Variants in MSANTD2 observed in about 807,000 individuals in gnomAD.
MSANTD2 encodes the protein Myb/SANT DNA binding domain containing 2.
MSANTD2 carries 19 observed loss-of-function variants against 52.6 expected under a neutral mutation model. The ratio of observed to expected loss-of-function variants is 0.36; its 90% CI spans 0.25 to 0.53. The LOEUF (loss-of-function observed/expected upper bound fraction) is 0.53. MSANTD2 is among the 20% of genes least tolerant of loss of function. MSANTD2 has a pLI of 0.91. For synonymous variants in MSANTD2, 291 were observed against 289.7 expected, an observed-to-expected ratio of 1.00 and a Z score of -0.04; for missense variants, 558 against 716.3, an observed-to-expected ratio of 0.78 and a Z score of 2.52.
chr11:124,791,083 G>A (rs563686205), intron 1 of MSANTD2: 14 of 575,208 alleles, frequency 2.4e-5, no homozygotes, highest in African/African-American at 1.5e-4. Flanking sequence ...AAGAGATAAC[G>A]TGTAAGGGAC....
At position 124,767,558 on chromosome 11, in the gene MSANTD2, C is replaced by T; in HGVS notation, c.1298G>A (p.Arg433Lys). Reference protein sequence around the residue: ...YAIGYEECIERPLSPHMEQSS... With the variant: ...YAIGYEECIEKPLSPHMEQSS... ...TTGCTCCATGTGTGGTGAGAGGGGC[C>T]TCTCAATACATTCTTCATAGCCAAT... The change falls in exon 4 of 4, where the codon AGG (arginine) becomes AAG (lysine). Residue 433 changes from arginine (R) to lysine (K), a missense_variant. Arg to Lys is a conservative substitution (Grantham distance 26). Around this residue, in one of 2 missense-constraint regions of MSANTD2, gnomAD observed 408 missense variants for 573.6 expected, o/e 0.71. Transcript: ENST00000374979. This position sits in a 1 kb window ranked among gnomAD's most constrained non-coding sequence, Gnocchi z 6.5. The T allele has an allele frequency of 6.2e-7, 1 of 1,614,120 alleles. No homozygotes were observed. Among genetic ancestry groups the T allele is most frequent in the Non-Finnish European group, 8.5e-7 (1 of 1,180,006 alleles).
intron 1 of MSANTD2, chr11:124,789,520 A>G (rs1161064408): frequency 6.6e-6 from 1 of 152,218 alleles, no homozygotes; most frequent in Non-Finnish European, 1.5e-5. Context: ...ATAAAATAAA[A>G]TGATGGCTGT....
chr11:124,770,948 G>A (rs977867672), intron 3 of MSANTD2, among the ~76,000 whole-genome samples: 3 of 152,062 alleles, frequency 2.0e-5, no homozygotes, highest in African/African-American at 7.2e-5. Flanking sequence ...TGGCCAGGCT[G>A]GGCTTGAACT....
intron 1 of MSANTD2, among the ~76,000 whole-genome samples, chr11:124,786,598 T>C (rs570611673): frequency 1.3e-5 from 2 of 152,356 alleles, no homozygotes; most frequent in South Asian, 4.1e-4. Flanking sequence ...ATCTGAGATC[T>C]TGAATGAATG....
Position 124,800,361 on chromosome 11 carries a change from G to A in MSANTD2, c.20C>T (p.Ser7Leu), listed in dbSNP as rs573260380. The A allele has an allele frequency of 1.8e-5, 28 of 1,538,122 alleles. 1 individual carries two copies. In the Admixed American group the frequency reaches 2.9e-4, roughly 16 times the overall value. ...TAGCGGCGAGTTGGCGGGCAGCTCC[G>A]AGCCACAGGGCGCAGCCATCTTCCA... MAAPCG[S>L]ELPANSPLKI... Residue 7 changes from serine to leucine, a missense_variant, in exon 1 of 4, where the codon TCG (serine) becomes TTG (leucine). By Grantham distance (145) the Ser-to-Leu change is moderately radical. Transcript: ENST00000374979. This position sits in a 1 kb window ranked among gnomAD's most constrained non-coding sequence, Gnocchi z 4.3.
At chr11:124,793,581 A>G (rs1945398216) in intron 1 of MSANTD2, among the ~76,000 whole-genome samples, 3 of 152,220 alleles carry the variant, frequency 2.0e-5, no homozygotes, top group Admixed American at 1.3e-4. Context: ...TAAAAATTCA[A>G]TTTTGCAGTC....
At chr11:124,791,508 T>C in intron 1 of MSANTD2, 2 of 1,100,356 alleles carry the variant, frequency 1.8e-6, no homozygotes, top group East Asian at 4.9e-5. Context: ...GGGCAAGAGT[T>C]GGAGAAGGGA....
chr11:124,798,081 A>T (rs1313973834), intron 1 of MSANTD2, among the ~76,000 whole-genome samples: 1 of 152,106 alleles, frequency 6.6e-6, no homozygotes, highest in Admixed American at 6.5e-5. Context: ...GATAGACGCT[A>T]GCCAAGACAG....
rs368299495 is a variant in MSANTD2, at chr11:124,797,188, GAATT to G, written c.510+2679_510+2682del. ...ATTCTCTTTCTAGACTTTATTTGGT[GAATT>G]AATTAAATAAGGCCGGATGTGGTGG... On this transcript the variant is annotated intron_variant, in intron 1 of 3. Transcript: ENST00000374979. Among the ~76,000 whole-genome samples, 87 of 152,238 alleles carry G rather than the reference GAATT, an allele frequency of 5.7e-4. No homozygotes were observed. In the South Asian group the frequency reaches 8.3e-3, roughly 15 times the overall value.
In MSANTD2 at chr11:124,766,889, C is replaced by G. The variant is rs1253087524; in HGVS notation, c.*287G>C. The stretch of plus-strand genomic sequence containing the variant: ...GTACCTACATTTGTTTATATTAGGG[C>G]TCTAAAATCCATTTAAAAATTGTTT... On this transcript the variant is annotated 3_prime_UTR_variant, in exon 4 of 4. Transcript: ENST00000374979. 7.1e-6 allele frequency: 2 copies of G among 280,034 alleles called. No homozygotes were observed. The highest frequency in any genetic ancestry group is 4.4e-5 in the African/African-American group (2 of 45,548). The allele number at this position is 280,034 out of a possible 1,614,324, so 17.3% of individuals were successfully genotyped here.
chr11:124,800,301 G>A lies in MSANTD2; in HGVS notation c.80C>T (p.Ser27Phe). 2 of 1,567,458 alleles carry A rather than the reference G, an allele frequency of 1.3e-6. No homozygotes were observed. The highest frequency in any genetic ancestry group is 1.7e-6 in the Non-Finnish European group (2 of 1,159,386). Residue 27 changes from serine to phenylalanine, a missense_variant, in exon 1 of 4, where the codon TCT becomes TTT. Ser to Phe is a radical substitution (Grantham distance 155). Coordinates refer to ENST00000374979, the MANE Select transcript of MSANTD2 (RefSeq NM_001308027.2). This position sits in a 1 kb window ranked among gnomAD's most constrained non-coding sequence, Gnocchi z 4.3. ...ATTTCCGTCGCTCAGGCCACCAGGA[G>A]AAGCCGGGGAAAGCACCTCCATCTT... Reference protein sequence around the residue: ...IPKMEVLSPASPGGLSDGNPS... With the variant: ...IPKMEVLSPAFPGGLSDGNPS...
intron 1 of MSANTD2, among the ~76,000 whole-genome samples, chr11:124,796,331 A>T (rs1255833005): frequency 1.3e-5 from 2 of 152,242 alleles, no homozygotes; most frequent in African/African-American, 4.8e-5. Flanking sequence ...GCTGCTAATC[A>T]GAAATTATCT....
chr11:124,768,320 C>T (rs1191253341), intron 3 of MSANTD2, among the ~76,000 whole-genome samples: 2 of 152,182 alleles, frequency 1.3e-5, no homozygotes, highest in Non-Finnish European at 2.9e-5. Context: ...TGATAAACTG[C>T]TTTCCATGAC....
At chr11:124,778,658 T>C (rs1760573079) in intron 1 of MSANTD2, among the ~76,000 whole-genome samples, 1 of 152,220 alleles carries the variant, frequency 6.6e-6, no homozygotes, top group Admixed American at 6.5e-5. Flanking sequence ...AAATCCACCA[T>C]GCCAAGTGCT....
chr11:124,786,595 A>T (rs956820558), intron 1 of MSANTD2, among the ~76,000 whole-genome samples: 1 of 152,194 alleles, frequency 6.6e-6, no homozygotes, highest in Admixed American at 6.5e-5. Context: ...TTTATCTGAG[A>T]TCTTGAATGA....
At chr11:124,768,661 T>G (rs1326621039) in intron 3 of MSANTD2, among the ~76,000 whole-genome samples, 1 of 152,162 alleles carries the variant, frequency 6.6e-6, no homozygotes, top group African/African-American at 2.4e-5. Flanking sequence ...CCAAAATTAA[T>G]AGAAGTCAGG....
At chr11:124,793,591 C>A (rs1167995183) in intron 1 of MSANTD2, among the ~76,000 whole-genome samples, 1 of 152,196 alleles carries the variant, frequency 6.6e-6, no homozygotes, top group African/African-American at 2.4e-5. Flanking sequence ...ATTTTGCAGT[C>A]ACGCTAGCCA....
intron 3 of MSANTD2, 23 bp from the exon 4 acceptor site, chr11:124,768,051 A>T (rs374723758): frequency 5.1e-5 from 80 of 1,583,066 alleles, no homozygotes; most frequent in Non-Finnish European, 6.4e-5. Context: ...ATAAAAGTCA[A>T]ATTCCCTAAG....
intron 1 of MSANTD2, among the ~76,000 whole-genome samples, chr11:124,778,582 A>G (rs762692026): frequency 5.3e-5 from 8 of 152,180 alleles, no homozygotes; most frequent in Non-Finnish European, 8.8e-5. Flanking sequence ...TAACAACTTG[A>G]TCGGTGGTCA....
Sources: allele counts gnomAD v4.1 joint callset (sites outside exome capture counted in the v4.1 genomes callset), GRCh38; gene constraint gnomAD v4.1.1; regional missense constraint gnomAD v4.1.1; non-coding constraint Gnocchi (gnomAD v3.1); transcripts MANE v1.5; gene names NCBI Gene and HGNC (gene_info 2026-07-23, HGNC 2026-07-21).